Variants in TBC1D32 observed in about 807,000 individuals in gnomAD.
TBC1D32 encodes TBC1 domain family member 32.
In TBC1D32, 151 loss-of-function variants were observed where a neutral mutation model predicts 170.3. That is an observed-to-expected ratio of 0.89 (90% CI 0.78 to 1.01). The LOEUF (loss-of-function observed/expected upper bound fraction) is 1.01. Among genes scored for constraint, TBC1D32 ranks in the 50% least tolerant of loss-of-function variants. The pLI is 0.00. For synonymous variants in TBC1D32, 498 were observed against 488.0 expected (o/e 1.02, Z -0.27); for missense variants, 1,464 against 1,457.1 (o/e 1.00, Z -0.08).
At chr6:121,261,256 T>C (rs1263637565) in intron 15 of TBC1D32, among the ~76,000 whole-genome samples, 1 of 152,150 alleles carries the variant, frequency 6.6e-6, no homozygotes, top group African/African-American at 2.4e-5. Flanking sequence ...TTCCCCCCAG[T>C]GCAGCACACC....
chr6:121,220,822 C>T (rs1017376255), intron 21 of TBC1D32, among the ~76,000 whole-genome samples: 4 of 151,618 alleles, frequency 2.6e-5, no homozygotes, highest in African/African-American at 9.7e-5. Flanking sequence ...TGTATTTTTA[C>T]TAGACACGGG....
chr6:121,253,879 T>C (rs1798621495), intron 17 of TBC1D32, among the ~76,000 whole-genome samples: 1 of 152,080 alleles, frequency 6.6e-6, no homozygotes, highest in African/African-American at 2.4e-5. Context: ...GCAATCCCAC[T>C]ACTGGGTATC....
At position 121,106,111 on chromosome 6, in the gene TBC1D32, C is replaced by A. The variant is rs575799780; in HGVS notation, c.3377G>T (p.Cys1126Phe). 176 of 1,602,970 alleles carry A rather than the reference C, an allele frequency of 1.1e-4. 1 individual carries two copies. In the South Asian group the frequency reaches 1.9e-3, roughly 17 times the overall value. ...VESGIHPVYFCSTHYIEMLLK... is the reference protein window; with the variant it reads ...VESGIHPVYFFSTHYIEMLLK... ...TAGCATTTCAATATAATGGGTGCTG[C>A]AAAAATATACTGGATGGATGCCAGA... The change falls in exon 30 of 32, where the codon TGC (cysteine) becomes TTC (phenylalanine). Residue 1126 changes from cysteine to phenylalanine, a missense_variant. Cys to Phe is a radical substitution (Grantham distance 205, BLOSUM62 -2). This residue lies in a region of TBC1D32 where 1,363 missense variants were observed against 1,338.1 expected (regional missense o/e 1.02). Coordinates refer to ENST00000398212, the MANE Select transcript of TBC1D32 (RefSeq NM_152730.6).
chr6:121,150,615 T>C (rs564007347), intron 24 of TBC1D32, among the ~76,000 whole-genome samples: 42 of 152,194 alleles, frequency 2.8e-4, no homozygotes, highest in Non-Finnish European at 4.7e-4. Flanking sequence ...AGAATTTGGC[T>C]GTGAATCCAT....
chr6:121,143,596 C>A (rs77289399), intron 24 of TBC1D32, among the ~76,000 whole-genome samples: 1 of 152,098 alleles, frequency 6.6e-6, no homozygotes, highest in African/African-American at 2.4e-5. Flanking sequence ...TTGTGCAGTG[C>A]AAATGATGAC....
At chr6:121,255,589 T>C (rs1329829026) in intron 16 of TBC1D32, among the ~76,000 whole-genome samples, 179 bp from the exon 17 acceptor site, 8 of 142,868 alleles carry the variant, frequency 5.6e-5, no homozygotes, top group Non-Finnish European at 1.0e-4. Flanking sequence ...TCCTTAATGT[T>C]ATTAAAATCA....
At chr6:121,245,271 C>T (rs1797449767) in intron 17 of TBC1D32, among the ~76,000 whole-genome samples, 1 of 152,206 alleles carries the variant, frequency 6.6e-6, no homozygotes, top group Non-Finnish European at 1.5e-5. Flanking sequence ...GAAGACAGGT[C>T]ACATCACTGA....
chr6:121,276,281 T>C (rs747104058), intron 15 of TBC1D32, among the ~76,000 whole-genome samples: 14 of 152,270 alleles, frequency 9.2e-5, no homozygotes, highest in Admixed American at 2.0e-4. Flanking sequence ...TGACTTCTTA[T>C]AAGGTCATTG....
At chr6:121,299,885 C>T (rs1012283389) in intron 9 of TBC1D32, among the ~76,000 whole-genome samples, 8 of 152,160 alleles carry the variant, frequency 5.3e-5, no homozygotes, top group African/African-American at 1.7e-4. Context: ...GAAGAGGATA[C>T]TGTACGGTCT....
At chr6:121,293,322 T>C (rs1805149763) in intron 11 of TBC1D32, among the ~76,000 whole-genome samples, 1 of 152,170 alleles carries the variant, frequency 6.6e-6, no homozygotes, top group South Asian at 2.1e-4. Flanking sequence ...TTTCCTTCTC[T>C]TGAAGAATAA....
intron 22 of TBC1D32, among the ~76,000 whole-genome samples, chr6:121,181,444 C>G (rs1325631287): frequency 6.6e-6 from 1 of 152,066 alleles, no homozygotes; most frequent in Non-Finnish European, 1.5e-5. Flanking sequence ...CCTGCTTCCC[C>G]TTTACCTTCC....
intron 22 of TBC1D32, among the ~76,000 whole-genome samples, chr6:121,162,439 C>G (rs566052221): frequency 6.6e-6 from 1 of 152,146 alleles, no homozygotes; most frequent in Non-Finnish European, 1.5e-5. Flanking sequence ...AACCCACAGA[C>G]AGTATCATAC....
At chr6:121,323,176 C>T (rs1363275822) in intron 1 of TBC1D32, among the ~76,000 whole-genome samples, 1 of 152,172 alleles carries the variant, frequency 6.6e-6, no homozygotes, top group Non-Finnish European at 1.5e-5. Flanking sequence ...CATGCAGTCA[C>T]CAACATGTGT....
intron 20 of TBC1D32, among the ~76,000 whole-genome samples, chr6:121,230,197 T>C (rs1188413512): frequency 6.6e-6 from 1 of 152,138 alleles, no homozygotes; most frequent in African/African-American, 2.4e-5. Context: ...AATCAATTGA[T>C]TCTCGATCAT....
At chr6:121,191,170 C>T (rs935415598) in intron 22 of TBC1D32, among the ~76,000 whole-genome samples, 2 of 152,030 alleles carry the variant, frequency 1.3e-5, no homozygotes, top group African/African-American at 4.8e-5. Context: ...CACATATCTG[C>T]ATATATGGAA....
At chr6:121,161,089 T>C in intron 22 of TBC1D32, 33 bp from the exon 23 acceptor site, 1 of 1,494,272 alleles carries the variant, frequency 6.7e-7, no homozygotes, top group Non-Finnish European at 9.2e-7. Flanking sequence ...TTTGTCATCC[T>C]TTTGATTGAA....
chr6:121,237,591 T>C (rs1408387936), intron 20 of TBC1D32, among the ~76,000 whole-genome samples: 1 of 151,992 alleles, frequency 6.6e-6, no homozygotes, highest in African/African-American at 2.4e-5. Context: ...ATAATTTCTA[T>C]TGATCTGATT....
intron 22 of TBC1D32, among the ~76,000 whole-genome samples, chr6:121,192,081 T>C (rs1282006667): frequency 7.5e-6 from 1 of 132,502 alleles, no homozygotes; most frequent in Admixed American, 1.0e-4. Context: ...TATATATATA[T>C]ATCCTATTAG....
At chr6:121,307,811 A>G (rs9401392) in intron 5 of TBC1D32, among the ~76,000 whole-genome samples, 165 bp downstream of exon 5, 150,530 of 152,262 alleles carry the variant, frequency 0.99, 74,442 homozygotes, top group East Asian at 1. Flanking sequence ...AAAGTGAGCC[A>G]AGGTAGTACC....
Sources: gnomAD v4.1 joint callset for allele counts (sites outside exome capture counted in the v4.1 genomes callset) on GRCh38, gnomAD v4.1.1 for gene constraint, gnomAD v4.1.1 regional missense constraint, MANE v1.5 for transcripts, NCBI Gene and HGNC (gene_info 2026-07-23, HGNC 2026-07-21) for gene names.